Variants in MYOM2 observed in about 807,000 individuals in gnomAD.
MYOM2 encodes myomesin-2.
MYOM2 carries 254 observed loss-of-function variants against 187.6 expected under a neutral mutation model. The ratio of observed to expected loss-of-function variants is 1.35; its 90% confidence interval spans 1.22 to 1.50. MYOM2 has a LOEUF of 1.50. Among genes scored for constraint, MYOM2 ranks in the 40% most tolerant of loss-of-function variants. MYOM2 has a pLI of 0.00. For missense variants in MYOM2, 2,796 were observed against 1,924.0 expected, an observed-to-expected ratio of 1.45 and a Z score of -8.48; for synonymous variants, 981 against 753.8, an observed-to-expected ratio of 1.30 and a Z score of -4.94.
chr8:2,064,576 C>T (rs915543806), intron 6 of MYOM2, among the ~76,000 whole-genome samples: 1 of 152,194 alleles, frequency 6.6e-6, no homozygotes. Context: ...GGGCTTCTTC[C>T]CCCAGTGGCT....
At chr8:2,054,712 C>G (rs192529015) in intron 3 of MYOM2, among the ~76,000 whole-genome samples, 81 of 152,344 alleles carry the variant, frequency 5.3e-4, no homozygotes, top group African/African-American at 1.8e-3. Context: ...ACATCTGAAC[C>G]TTTAAACTCA....
intron 32 of MYOM2, among the ~76,000 whole-genome samples, chr8:2,129,924 C>T (rs1009301039): frequency 1.3e-5 from 2 of 152,178 alleles, no homozygotes; most frequent in Non-Finnish European, 2.9e-5. Context: ...TAGATATCAC[C>T]GCAGATAAAA....
intron 25 of MYOM2, among the ~76,000 whole-genome samples, chr8:2,115,218 A>G (rs1797201045): frequency 6.6e-6 from 1 of 152,160 alleles, no homozygotes; most frequent in East Asian, 1.9e-4. Flanking sequence ...AATAAGCATT[A>G]ATAAAGATGG....
chr8:2,094,345 C>G (rs78840511), intron 17 of MYOM2, among the ~76,000 whole-genome samples: 1,327 of 131,888 alleles, frequency 0.01, 11 homozygotes, highest in African/African-American at 0.039. Context: ...TGCCAAATAC[C>G]TGTACTCATG....
intron 10 of MYOM2, 145 bp from the exon 11 acceptor site, chr8:2,075,996 A>G: frequency 1.5e-6 from 1 of 669,848 alleles, no homozygotes; most frequent in Non-Finnish European, 2.3e-6. Flanking sequence ...CCAGAGTAAG[A>G]AATATTCTAG....
At chr8:2,138,683 A>T (rs967979028) in intron 32 of MYOM2, among the ~76,000 whole-genome samples, 2 of 152,178 alleles carry the variant, frequency 1.3e-5, no homozygotes, top group African/African-American at 4.8e-5. Context: ...GGCCAACCTG[A>T]TTATTGTAGA....
At chr8:2,048,885 G>C (rs1057154629) in intron 1 of MYOM2, among the ~76,000 whole-genome samples, 4 of 151,656 alleles carry the variant, frequency 2.6e-5, no homozygotes, top group African/African-American at 9.7e-5. Context: ...CGCCTCCCAG[G>C]TTCACGCCAT....
At chr8:2,122,781 A>T (rs1219845416) in intron 28 of MYOM2, among the ~76,000 whole-genome samples, 1 of 151,870 alleles carries the variant, frequency 6.6e-6, no homozygotes, top group African/African-American at 2.4e-5. Context: ...GAAGGTCCTC[A>T]CCTCTAGTGA....
chr8:2,120,689 A>ATATATATATAAATATATATTTATAAT lies in MYOM2; in HGVS notation c.3454-2563_3454-2562insTATATATATAAATATATATTTATAAT. 5.9e-4 allele frequency among the ~76,000 whole-genome samples: 25 copies of ATATATATATAAATATATATTTATAAT among 42,382 alleles called. 1 individual carries two copies. The highest frequency in any genetic ancestry group is 1.1e-3 in the Non-Finnish European group (23 of 21,398). 27.8% of individuals were successfully genotyped at this position (42,382 alleles called of 152,430 possible). ...ATATATATATATTATATTATATATA[A>ATATATATATAAATATATATTTATAAT]ATATATAATATATATATTTTAATTG... On this transcript the variant is annotated intron_variant, in intron 28 of 36. Coordinates refer to ENST00000262113, the MANE Select transcript of MYOM2 (RefSeq NM_003970.4).
rs767563473 is a variant in MYOM2, at chr8:2,106,541, C to T, written c.2942C>T (p.Ser981Phe). Residue 981 changes from serine (S) to phenylalanine (F), a missense_variant, in exon 23 of 37, where the codon TCC (serine) becomes TTC (phenylalanine). By Grantham distance (155) the Ser-to-Phe change is radical. Transcript: ENST00000262113. Reference protein sequence around the residue: ...NPDKEDLGTYSVSVSDTDGVS... With the variant: ...NPDKEDLGTYFVSVSDTDGVS... Reference sequence around the variant, plus strand: ...GATAAGGAGGATTTAGGGACTTACTCCGTGTCTGTAAGTGATACAGACGGA... The same window carrying T: ...GATAAGGAGGATTTAGGGACTTACTTCGTGTCTGTAAGTGATACAGACGGA... The T allele has an allele frequency of 1.2e-6, 2 of 1,612,496 alleles. No homozygotes were observed. Among genetic ancestry groups the T allele is most frequent in the East Asian group, 4.5e-5 (2 of 44,808 alleles).
At position 2,075,778 on chromosome 8, in the gene MYOM2, C is replaced by G. The variant is rs192955809; in HGVS notation, c.1121-363C>G. Reference sequence around the variant, plus strand: ...GAAGAGTATCTCAGGTGATATTTCTCAGGTGTTAGAAATGCCAGATTATTG... The same window carrying G: ...GAAGAGTATCTCAGGTGATATTTCTGAGGTGTTAGAAATGCCAGATTATTG... On this transcript the variant is annotated intron_variant, in intron 10 of 36. Coordinates refer to ENST00000262113, the MANE Select transcript of MYOM2 (RefSeq NM_003970.4). 2.6e-5 allele frequency among the ~76,000 whole-genome samples: 4 copies of G among 152,318 alleles called. No individual in the cohort carries two copies. In the East Asian group the frequency reaches 7.7e-4, roughly 29 times the overall value.
intron 6 of MYOM2, among the ~76,000 whole-genome samples, chr8:2,059,845 C>G (rs1050784887): frequency 6.6e-6 from 1 of 150,994 alleles, no homozygotes; most frequent in Admixed American, 6.6e-5. Context: ...CAGGATCAAG[C>G]GATTCTCCTG....
In MYOM2 at chr8:2,057,348, G is replaced by A. The variant is rs144491028; in HGVS notation, c.264G>A (p.Arg88=). Residue 88 remains arginine (R), a splice_region_variant and synonymous_variant, in exon 4 of 37, where the codon AGG becomes AGA. Transcript: ENST00000262113. ...QEDEEQENRS[R]YQSLVAAYGE... ...TGAGGCTGCTTCTCGGCTCCTGCAG[G>A]TACCAGTCCCTGGTGGCCGCCTATG... is the stretch of plus-strand genomic sequence containing the variant. The A allele has an allele frequency of 1.9e-6, 3 of 1,601,510 alleles. No homozygotes were observed. Among genetic ancestry groups the A allele is most frequent in the Non-Finnish European group, 2.6e-6 (3 of 1,173,542 alleles).
At position 2,097,603 on chromosome 8, in the gene MYOM2, C is replaced by A. The variant is rs1451337902; in HGVS notation, c.2313+1169C>A. 4.6e-5 allele frequency among the ~76,000 whole-genome samples: 7 copies of A among 152,266 alleles called. No homozygotes were observed. In the East Asian group the frequency reaches 1.4e-3, roughly 29 times the overall value. ...GATCTCGGCTCACTGCAAGCTCCGC[C>A]TCCTGGGTTCAAGCAATTCTCCTGC... On this transcript the variant is annotated intron_variant, in intron 18 of 36. Coordinates refer to ENST00000262113, the MANE Select transcript of MYOM2 (RefSeq NM_003970.4).
chr8:2,070,209 T>C (rs918038806), intron 8 of MYOM2, among the ~76,000 whole-genome samples: 1 of 152,200 alleles, frequency 6.6e-6, no homozygotes, highest in African/African-American at 2.4e-5. Context: ...GGAGTGAGTT[T>C]TAGAATTGGC....
At chr8:2,131,470 G>A (rs1312147482) in intron 32 of MYOM2, among the ~76,000 whole-genome samples, 1 of 151,708 alleles carries the variant, frequency 6.6e-6, no homozygotes, top group East Asian at 1.9e-4. Context: ...GCAGATCGGG[G>A]CACAGCTCAT....
chr8:2,058,636 G>A (rs923807204), intron 5 of MYOM2, among the ~76,000 whole-genome samples: 9 of 152,274 alleles, frequency 5.9e-5, no homozygotes, highest in African/African-American at 1.4e-4. Flanking sequence ...CAGGCATATC[G>A]TGGCTGATGG....
intron 18 of MYOM2, chr8:2,098,137 C>T (rs918712217): frequency 2.0e-5 from 3 of 152,262 alleles, no homozygotes; most frequent in African/African-American, 7.2e-5. Context: ...CTGAGTGCTT[C>T]ACAGCTAGTC....
chr8:2,140,978 CAA>C, intron 33 of MYOM2, 92 bp downstream of exon 33: 5 of 1,353,358 alleles, frequency 3.7e-6, no homozygotes, highest in Non-Finnish European at 5.0e-6. Context: ...ATACAAGAGA[CAA>C]TATGAATTTA....
Sources: allele counts gnomAD v4.1 joint callset (sites outside exome capture counted in the v4.1 genomes callset), GRCh38; gene constraint gnomAD v4.1.1; transcripts MANE v1.5; gene names NCBI Gene and HGNC (gene_info 2026-07-23, HGNC 2026-07-21).